SLC35F2: variants seen among roughly 807,000 people sequenced by gnomAD.
SLC35F2 encodes the protein queuine/queuosine transporter SLC35F2.
In SLC35F2, 25 loss-of-function variants were observed where a neutral mutation model predicts 38.1. The ratio of observed to expected loss-of-function variants is 0.66; its 90% CI spans 0.48 to 0.92. SLC35F2 has a LOEUF of 0.92. SLC35F2 is among the 40% of genes least tolerant of loss of function. SLC35F2 has a pLI of 0.00. For missense variants in SLC35F2, 409 were observed against 452.9 expected (o/e 0.90, Z 0.88); for synonymous variants, 173 against 181.7 (o/e 0.95, Z 0.38).
intron 7 of SLC35F2, among the ~76,000 whole-genome samples, chr11:107,800,792 T>C (rs1859295402): frequency 6.6e-6 from 1 of 152,068 alleles, no homozygotes; most frequent in South Asian, 2.1e-4. Flanking sequence ...TACCATGTTG[T>C]CCAGGCTGAA....
intron 3 of SLC35F2, chr11:107,810,770 C>G (rs182506324): frequency 1.0e-6 from 1 of 980,446 alleles, no homozygotes; most frequent in African/African-American, 1.8e-5. Flanking sequence ...TAGGTTCACA[C>G]TGGAAAAATA....
Position 107,828,264 on chromosome 11 carries a change from G to A in SLC35F2, c.111-12299C>T, listed in dbSNP as rs7118607. 9.6e-3 allele frequency among the ~76,000 whole-genome samples: 1,452 copies of A among 152,012 alleles called. 24 individuals carry two copies. The highest frequency in any genetic ancestry group is 0.032 in the African/African-American group (1,327 of 41,482). On this transcript the variant is annotated intron_variant, in intron 1 of 7. Coordinates refer to ENST00000525815, the MANE Select transcript of SLC35F2 (RefSeq NM_017515.5). ...AGCCTGGCCAACATGGTGAAACCAC[G>A]TCTCTATTAAAAATACAAAAATTAG...
intron 7 of SLC35F2, among the ~76,000 whole-genome samples, chr11:107,796,246 C>G (rs1442604037): frequency 1.3e-5 from 2 of 152,152 alleles, no homozygotes; most frequent in Non-Finnish European, 2.9e-5. Context: ...AATAGAACTA[C>G]TATACAATCC....
intron 1 of SLC35F2, among the ~76,000 whole-genome samples, chr11:107,853,652 G>A (rs541349465): frequency 2.3e-4 from 34 of 150,190 alleles, no homozygotes; most frequent in South Asian, 6.3e-4. Flanking sequence ...CCCGGGAGGC[G>A]GAGCTTGCAG....
intron 1 of SLC35F2, among the ~76,000 whole-genome samples, chr11:107,839,289 C>T (rs1859981225): frequency 6.6e-6 from 1 of 152,002 alleles, no homozygotes; most frequent in Admixed American, 6.6e-5. Context: ...GGTGAAACCC[C>T]GTCTCTACTA....
At chr11:107,830,575 C>T (rs56150652) in intron 1 of SLC35F2, among the ~76,000 whole-genome samples, 395 of 130,226 alleles carry the variant, frequency 3.0e-3, no homozygotes, top group Middle Eastern at 0.013. Context: ...CAGAGCAAGA[C>T]TCAGTCTCAA....
chr11:107,843,864 AAAAAATATATATATATATATATATAT>A (rs1230528755), intron 1 of SLC35F2, among the ~76,000 whole-genome samples: 83 of 35,064 alleles, frequency 2.4e-3, no homozygotes, highest in Middle Eastern at 0.014. Context: ...AAAAAAAAAA[AAAAAATATATATATATATATATATAT>A]ATATATATAT....
intron 3 of SLC35F2, among the ~76,000 whole-genome samples, chr11:107,808,449 A>G (rs751596936): frequency 1.3e-5 from 2 of 152,176 alleles, no homozygotes; most frequent in African/African-American, 2.4e-5. Flanking sequence ...ATGCATTCCA[A>G]TGTATTTCTT....
At chr11:107,821,721 T>C in intron 1 of SLC35F2, 2 of 660,392 alleles carry the variant, frequency 3.0e-6, no homozygotes, top group Non-Finnish European at 3.7e-6. Context: ...CCGGTTTTAC[T>C]AACGGAACCT....
At chr11:107,847,271 G>C (rs1179148019) in intron 1 of SLC35F2, among the ~76,000 whole-genome samples, 1 of 152,008 alleles carries the variant, frequency 6.6e-6, no homozygotes, top group Admixed American at 6.6e-5. Flanking sequence ...GGCTGGTCTT[G>C]AACTCCTGAG....
intron 3 of SLC35F2, among the ~76,000 whole-genome samples, chr11:107,808,633 C>CTGAT (rs995560010): frequency 3.3e-5 from 5 of 152,190 alleles, no homozygotes; most frequent in African/African-American, 1.2e-4. Flanking sequence ...CAGTTGTTTA[C>CTGAT]TGATTGCCTT....
At chr11:107,795,479 AAACT>A (rs1591182675) in intron 7 of SLC35F2, among the ~76,000 whole-genome samples, 1 of 152,216 alleles carries the variant, frequency 6.6e-6, no homozygotes, top group Non-Finnish European at 1.5e-5. Flanking sequence ...GGACTATATT[AAACT>A]AAAAAGTTTC....
chr11:107,849,641 GAA>G (rs59636290), intron 1 of SLC35F2, among the ~76,000 whole-genome samples: 47,361 of 137,824 alleles, frequency 0.34, 9,273 homozygotes, highest in Admixed American at 0.49. Context: ...TCCGTTTTGG[GAA>G]AAAAAAAAAA....
intron 7 of SLC35F2, among the ~76,000 whole-genome samples, chr11:107,801,272 G>A (rs962512433): frequency 1.3e-5 from 2 of 152,106 alleles, no homozygotes; most frequent in Middle Eastern, 3.2e-3. Flanking sequence ...CGTCTTGCAA[G>A]TGCACAATGA....
chr11:107,825,361 C>CTTTTTTTTT (rs112751391), intron 1 of SLC35F2, among the ~76,000 whole-genome samples: 47 of 123,484 alleles, frequency 3.8e-4, no homozygotes, highest in South Asian at 5.2e-4. Context: ...GCATTTCTTT[C>CTTTTTTTTT]TTTTTTTTTT....
intron 7 of SLC35F2, 102 bp from the exon 8 acceptor site, chr11:107,792,902 T>G (rs1308292510): frequency 3.6e-5 from 48 of 1,332,888 alleles, no homozygotes; most frequent in Non-Finnish European, 4.5e-5. Context: ...CATAATCTTT[T>G]TATTTTCTTT....
chr11:107,807,581 T>TTA (rs200647413), intron 3 of SLC35F2, among the ~76,000 whole-genome samples: 841 of 35,586 alleles, frequency 0.024, 11 homozygotes, highest in African/African-American at 0.08. Flanking sequence ...ATTATTATTA[T>TTA]TTTTTTTTTG....
intron 1 of SLC35F2, among the ~76,000 whole-genome samples, chr11:107,856,856 A>AAGGAAGGAAGGAAGGC (rs1860292176): frequency 8.0e-6 from 1 of 125,022 alleles, no homozygotes; most frequent in Admixed American, 8.5e-5. Flanking sequence ...CTTGTCCAGG[A>AAGGAAGGAAGGAAGGC]AGGAAGGAAG....
chr11:107,819,136 T>C (rs1034628605), intron 1 of SLC35F2, among the ~76,000 whole-genome samples: 2 of 152,192 alleles, frequency 1.3e-5, no homozygotes, highest in Non-Finnish European at 2.9e-5. Context: ...ATATAATGAC[T>C]TTCTATTTCT....
Sources: allele counts gnomAD v4.1 joint callset (sites outside exome capture counted in the v4.1 genomes callset), GRCh38; gene constraint gnomAD v4.1.1; transcripts MANE v1.5; gene names NCBI Gene and HGNC (gene_info 2026-07-23, HGNC 2026-07-21).